AKR1B15: variants seen among roughly 807,000 people sequenced by gnomAD.
AKR1B15 encodes the protein estradiol 17-beta-dehydrogenase AKR1B15.
AKR1B15 carries 49 observed loss-of-function variants against 38.5 expected under a neutral mutation model. That is an observed-to-expected ratio of 1.27 (90% confidence interval 1.01 to 1.62). The LOEUF (loss-of-function observed/expected upper bound fraction) is 1.62, where lower values mean the gene tolerates loss of function less well. AKR1B15 is among the 40% of genes most tolerant of loss of function. The pLI is 0.00. For missense variants in AKR1B15, 411 were observed against 381.6 expected (o/e 1.08, Z -0.64); for synonymous variants, 137 against 135.5 (o/e 1.01, Z -0.08).
At chr7:134,561,173 C>T (rs1794378764) in intron 2 of AKR1B15, among the ~76,000 whole-genome samples, 1 of 152,120 alleles carries the variant, frequency 6.6e-6, no homozygotes, top group Non-Finnish European at 1.5e-5. Flanking sequence ...ATGTGCAGAT[C>T]CAGGAGACTT....
chr7:134,557,577 C>G (rs899257872), intron 2 of AKR1B15, among the ~76,000 whole-genome samples: 1 of 151,578 alleles, frequency 6.6e-6, no homozygotes, highest in South Asian at 2.1e-4. Context: ...TGGGAACGCA[C>G]TCGGTTGACG....
intron 1 of AKR1B15, among the ~76,000 whole-genome samples, chr7:134,550,849 C>A (rs1267280735): frequency 2.0e-5 from 3 of 152,146 alleles, no homozygotes; most frequent in Non-Finnish European, 2.9e-5. Flanking sequence ...AGTAGAATGG[C>A]CAAAGTTTGG....
chr7:134,569,586 G>A (rs1794622539), intron 5 of AKR1B15, 57 bp downstream of exon 5: 4 of 1,584,874 alleles, frequency 2.5e-6, no homozygotes, highest in South Asian at 2.2e-5. Context: ...GGAATTCAGG[G>A]ACCCCCAACA....
chr7:134,564,509 C>G, intron 2 of AKR1B15, 89 bp from the exon 3 acceptor site: 1 of 543,318 alleles, frequency 1.8e-6, no homozygotes, highest in Non-Finnish European at 3.3e-6. Flanking sequence ...ATGGCTTCTC[C>G]CCTTTCTAGG....
At position 134,571,695 on chromosome 7, in the gene AKR1B15, T is replaced by A. The variant is rs772052909; in HGVS notation, c.513+14T>A. On this transcript the variant is annotated intron_variant, in intron 6 of 11. Transcript: ENST00000457545. The stretch of plus-strand genomic sequence containing the variant: ...GATGCCTGGGAGGTAGGTTCCAGCT[T>A]TGTCTAAGTGTGCTGGGAGAGAAAT... 11 of 1,606,526 alleles carry A rather than the reference T, an allele frequency of 6.8e-6. No individual in the cohort carries two copies. The highest frequency in any genetic ancestry group is 9.4e-6 in the Non-Finnish European group (11 of 1,173,594).
At chr7:134,576,279 C>T (rs1794766281) in intron 8 of AKR1B15, 70 bp from the exon 9 acceptor site, 2 of 1,496,958 alleles carry the variant, frequency 1.3e-6, no homozygotes, top group Non-Finnish European at 1.9e-6. Context: ...TTGAGACCCT[C>T]ATTGGAGTGG....
At chr7:134,557,579 C>T (rs930425245) in intron 2 of AKR1B15, among the ~76,000 whole-genome samples, 15 of 151,436 alleles carry the variant, frequency 9.9e-5, no homozygotes, top group Admixed American at 5.9e-4. Context: ...GGAACGCACT[C>T]GGTTGACGGT....
chr7:134,568,447 A>G, intron 4 of AKR1B15, 122 bp downstream of exon 4: 1 of 1,405,048 alleles, frequency 7.1e-7, no homozygotes, highest in Non-Finnish European at 9.8e-7. Flanking sequence ...CTCTGCCTTG[A>G]TAACATCCGT....
At chr7:134,562,565 T>C (rs534795639) in intron 2 of AKR1B15, among the ~76,000 whole-genome samples, 35 of 152,226 alleles carry the variant, frequency 2.3e-4, no homozygotes, top group African/African-American at 7.9e-4. Context: ...TTTACAAACC[T>C]CTAGCTAGCC....
chr7:134,550,403 A>T (rs1793926206), intron 1 of AKR1B15, among the ~76,000 whole-genome samples: 1 of 152,066 alleles, frequency 6.6e-6, no homozygotes, highest in Non-Finnish European at 1.5e-5. Context: ...GAAAGGACCG[A>T]GTTTGAACAT....
intron 1 of AKR1B15, among the ~76,000 whole-genome samples, chr7:134,555,865 C>T (rs1427871628): frequency 2.0e-5 from 3 of 152,106 alleles, no homozygotes; most frequent in Non-Finnish European, 2.9e-5. Flanking sequence ...CTCTAGTTGT[C>T]GAGATTCTTA....
chr7:134,568,055 A>T lies in AKR1B15; in HGVS notation c.151-103A>T. On this transcript the variant is annotated intron_variant, in intron 3 of 11. Coordinates refer to ENST00000457545, the MANE Select transcript of AKR1B15 (RefSeq NM_001080538.3). The stretch of plus-strand genomic sequence containing the variant: ...TTCCAGCTACTCAGGAGTTGGGAGG[A>T]TTGTTTGAACCTGGGAGTGTGAGGC... The T allele has an allele frequency of 4.3e-6, 6 of 1,401,632 alleles. No homozygotes were observed. The South Asian group carries it at 7.5e-5, about 18-fold the overall frequency. 86.8% of individuals were successfully genotyped at this position (1,401,632 alleles called of 1,614,324 possible). A position where few individuals can be genotyped will look rare whatever the true frequency, so the allele number is the denominator to read the frequency against.
intron 5 of AKR1B15, among the ~76,000 whole-genome samples, chr7:134,570,762 T>G (rs1400913789): frequency 6.6e-6 from 1 of 152,100 alleles, no homozygotes; most frequent in Non-Finnish European, 1.5e-5. Flanking sequence ...GAAGAGACCT[T>G]GGAGCAGAAA....
chr7:134,574,786 A>G (rs1408164760), intron 6 of AKR1B15, among the ~76,000 whole-genome samples: 1 of 152,232 alleles, frequency 6.6e-6, no homozygotes, highest in Non-Finnish European at 1.5e-5. Flanking sequence ...CTTCTGTACC[A>G]GGAAGCATGG....
At chr7:134,574,122 T>C (rs1794716472) in intron 6 of AKR1B15, among the ~76,000 whole-genome samples, 1 of 152,174 alleles carries the variant, frequency 6.6e-6, no homozygotes, top group Admixed American at 6.6e-5. Context: ...CTCAAACATC[T>C]GGCCTTAAGC....
intron 11 of AKR1B15, among the ~76,000 whole-genome samples, chr7:134,578,600 T>A (rs565064489): frequency 5.2e-5 from 8 of 152,394 alleles, no homozygotes; most frequent in Admixed American, 4.6e-4. Flanking sequence ...TAATTACATA[T>A]ATCAAATAGA....
intron 3 of AKR1B15, among the ~76,000 whole-genome samples, chr7:134,566,445 C>T (rs544036466): frequency 2.6e-5 from 4 of 152,278 alleles, no homozygotes; most frequent in East Asian, 1.9e-4. Flanking sequence ...GGCTGGGAGT[C>T]GTGAGCTCCA....
At position 134,568,197 on chromosome 7, in the gene AKR1B15, A is replaced by G. The variant is rs1794584645; in HGVS notation, c.190A>G (p.Ile64Val). Residue 64 changes from isoleucine (I) to valine (V), a missense_variant, in exon 4 of 12, where the codon ATT becomes GTT. Coordinates refer to ENST00000457545, the MANE Select transcript of AKR1B15 (RefSeq NM_001080538.3). ...AGTGAAAGAAGCGGTGAAGGTGGCC[A>G]TTGATGCAGAATATCGCCACATTGA... is the stretch of plus-strand genomic sequence containing the variant. ...GKVKEAVKVA[I>V]DAEYRHIDCA... 6.2e-7 allele frequency: 1 copy of G among 1,614,112 alleles called. No homozygotes were observed. Among genetic ancestry groups the G allele is most frequent in the East Asian group, 2.2e-5 (1 of 44,846 alleles).
intron 5 of AKR1B15, among the ~76,000 whole-genome samples, chr7:134,571,331 G>A (rs11975473): frequency 0.067 from 10,259 of 152,270 alleles, 588 homozygotes; most frequent in African/African-American, 0.15. Flanking sequence ...AGGTGTGTGA[G>A]GTTAATGTCC....
Sources: allele counts gnomAD v4.1 joint callset (sites outside exome capture counted in the v4.1 genomes callset), GRCh38; gene constraint gnomAD v4.1.1; transcripts MANE v1.5; gene names NCBI Gene and HGNC (gene_info 2026-07-23, HGNC 2026-07-21).